Variants in EVC2 observed in about 807,000 individuals in gnomAD.
The protein encoded by EVC2 is EvC ciliary complex subunit 2.
Under a neutral mutation model 149.3 loss-of-function variants are expected in EVC2, and 148 were observed. The ratio of observed to expected loss-of-function variants is 0.99; its 90% CI spans 0.87 to 1.14. The LOEUF is 1.14. Among genes scored for constraint, EVC2 ranks in the 50% most tolerant of loss-of-function variants. The pLI is 0.00. For missense variants in EVC2, 1,854 were observed against 1,627.3 expected, an observed-to-expected ratio of 1.14 and a Z score of -2.40; for synonymous variants, 776 against 649.9, an observed-to-expected ratio of 1.19 and a Z score of -2.95.
chr4:5,656,782 A>T (rs1254451751), intron 9 of EVC2, among the ~76,000 whole-genome samples: 1 of 152,198 alleles, frequency 6.6e-6, no homozygotes, highest in African/African-American at 2.4e-5. Flanking sequence ...TGGCCTCCAG[A>T]ACAGTGACAC....
intron 14 of EVC2, among the ~76,000 whole-genome samples, chr4:5,621,445 T>C (rs747609396): frequency 2.6e-5 from 4 of 152,242 alleles, no homozygotes; most frequent in Non-Finnish European, 5.9e-5. Flanking sequence ...TTAAACAAGT[T>C]GCACAAACTT....
rs1716709560 is a variant in EVC2 at position 5,633,683 on chromosome 4, C to A, written c.1471-1651G>T. On this transcript the variant is annotated intron_variant, in intron 10 of 21. Coordinates refer to ENST00000344408, the MANE Select transcript of EVC2 (RefSeq NM_147127.5). This position sits in a 1 kb window ranked among gnomAD's most constrained non-coding sequence, Gnocchi z 4.4. ...GGAAGCAGGCAGGTGTGGCATCATG[C>A]CATGGCTGGGCTGAGTAGAAGCCCG... is the stretch of plus-strand genomic sequence containing the variant. Among the ~76,000 whole-genome samples the A allele has an allele frequency of 6.6e-6, 1 of 152,206 alleles. No individual in the cohort carries two copies. The highest frequency in any genetic ancestry group is 2.4e-5 in the African/African-American group (1 of 41,466).
At chr4:5,690,859 A>G (rs1161806597) in intron 4 of EVC2, among the ~76,000 whole-genome samples, 1 of 152,196 alleles carries the variant, frequency 6.6e-6, no homozygotes, top group East Asian at 1.9e-4. Context: ...CACTGACCCT[A>G]AGGCAGGTGC....
chr4:5,575,058 T>C (rs748971410), intron 18 of EVC2, among the ~76,000 whole-genome samples: 3 of 152,216 alleles, frequency 2.0e-5, no homozygotes, highest in East Asian at 1.9e-4. Context: ...ATCTCTGTGA[T>C]GCTGCTTTGA....
chr4:5,566,333 C>G (rs1251138720), intron 20 of EVC2, among the ~76,000 whole-genome samples: 1 of 152,198 alleles, frequency 6.6e-6, no homozygotes, highest in East Asian at 1.9e-4. Flanking sequence ...CTCTTCCACA[C>G]TGGGCCAGGC....
intron 10 of EVC2, among the ~76,000 whole-genome samples, chr4:5,635,441 A>G (rs1393083711): frequency 6.6e-6 from 1 of 152,144 alleles, no homozygotes; most frequent in Non-Finnish European, 1.5e-5. Flanking sequence ...ATGGCTTCCA[A>G]CACCTAGAAA....
At chr4:5,652,334 C>T (rs1229889995) in intron 9 of EVC2, among the ~76,000 whole-genome samples, 1 of 147,806 alleles carries the variant, frequency 6.8e-6, no homozygotes, top group African/African-American at 2.5e-5. Context: ...TAGTAAACAC[C>T]ATGTTTACCA....
intron 1 of EVC2, among the ~76,000 whole-genome samples, 158 bp from the exon 2 acceptor site, chr4:5,697,805 G>C (rs965305283): frequency 6.6e-6 from 1 of 151,566 alleles, no homozygotes; most frequent in African/African-American, 2.4e-5. Flanking sequence ...CAGTGCAGTG[G>C]CGCGATCTCG....
chr4:5,704,989 C>T (rs909481098), intron 1 of EVC2, among the ~76,000 whole-genome samples: 7 of 152,110 alleles, frequency 4.6e-5, no homozygotes, highest in African/African-American at 1.4e-4. Flanking sequence ...GGATTACAGG[C>T]GTGAGCTTAT....
In EVC2 at chr4:5,584,704, C is replaced by T. The variant is rs368338843; in HGVS notation, c.2976G>A (p.Gln992=). 1 of 1,613,998 alleles carries T rather than the reference C, an allele frequency of 6.2e-7. No homozygotes were observed. Among genetic ancestry groups the T allele is most frequent in the African/African-American group, 1.3e-5 (1 of 74,914 alleles). ...LSAYTALLSI[Q]DLLLEELSAS... ...CACTCAGCTCTTCCAGGAGCAAGTC[C>T]TGGATGCTGAGGAGGGCGGTGTAGG... The change falls in exon 17 of 22, where the codon CAG becomes CAA. Residue 992 remains glutamine (Q), a synonymous_variant. Transcript: ENST00000344408.
intron 10 of EVC2, among the ~76,000 whole-genome samples, chr4:5,638,659 A>G (rs2108860635): frequency 6.6e-6 from 1 of 152,250 alleles, no homozygotes; most frequent in African/African-American, 2.4e-5. Flanking sequence ...TATTTAGAAT[A>G]AGGGTCTTTC....
intron 1 of EVC2, among the ~76,000 whole-genome samples, chr4:5,702,194 C>T (rs1281448349): frequency 1.3e-5 from 2 of 152,184 alleles, no homozygotes; most frequent in Admixed American, 6.5e-5. Flanking sequence ...CAGCTGTCAC[C>T]TCCTTACAGC....
At chr4:5,650,840 T>C (rs1441817057) in intron 9 of EVC2, among the ~76,000 whole-genome samples, 1 of 152,148 alleles carries the variant, frequency 6.6e-6, no homozygotes, top group East Asian at 1.9e-4. Flanking sequence ...GAGTCCTTGC[T>C]GTACCATCTG....
chr4:5,555,249 A>G (rs973696909), intron 21 of EVC2, among the ~76,000 whole-genome samples: 2 of 152,030 alleles, frequency 1.3e-5, no homozygotes, highest in African/African-American at 4.8e-5. Flanking sequence ...GGAGGGAAAC[A>G]AGCAATTCAG....
At chr4:5,582,613 A>G (rs890084316) in intron 17 of EVC2, among the ~76,000 whole-genome samples, 8 of 152,202 alleles carry the variant, frequency 5.3e-5, no homozygotes, top group Non-Finnish European at 8.8e-5. Context: ...TTTTGAGTTA[A>G]TGCTGGAATG....
intron 9 of EVC2, among the ~76,000 whole-genome samples, chr4:5,659,898 G>C (rs901554474): frequency 1.3e-5 from 2 of 152,098 alleles, no homozygotes; most frequent in Non-Finnish European, 2.9e-5. Context: ...TAAATATCCG[G>C]GTGCTGATTG....
At chr4:5,605,591 T>A (rs1338144455) in intron 16 of EVC2, among the ~76,000 whole-genome samples, 1 of 152,186 alleles carries the variant, frequency 6.6e-6, no homozygotes, top group Non-Finnish European at 1.5e-5. Context: ...TTGTGCTGTG[T>A]CTCCAATCTA....
At chr4:5,615,222 T>C (rs763360186) in intron 16 of EVC2, among the ~76,000 whole-genome samples, 200 bp downstream of exon 16, 4 of 151,096 alleles carry the variant, frequency 2.6e-5, no homozygotes, top group Non-Finnish European at 5.9e-5. Flanking sequence ...AGGGAGAGGG[T>C]TCCAAACAGA....
At chr4:5,649,672 G>T (rs1398100741) in intron 9 of EVC2, among the ~76,000 whole-genome samples, 1 of 152,174 alleles carries the variant, frequency 6.6e-6, no homozygotes, top group Non-Finnish European at 1.5e-5. Context: ...GAAGGAAAAT[G>T]AAATCACCAC....
Sources: allele counts gnomAD v4.1 joint callset (sites outside exome capture counted in the v4.1 genomes callset), GRCh38; gene constraint gnomAD v4.1.1; non-coding constraint Gnocchi (gnomAD v3.1); transcripts MANE v1.5; gene names NCBI Gene and HGNC (gene_info 2026-07-23, HGNC 2026-07-21).